The following SRFBP1 variants were observed in gnomAD, a reference collection of about 807,000 sequenced individuals.
SRFBP1 encodes the protein serum response factor binding protein 1.
SRFBP1 carries 47 observed loss-of-function variants against 45.5 expected under a neutral mutation model. The observed-to-expected ratio is 1.03, with a 90% CI of 0.82 to 1.32. SRFBP1 has a LOEUF of 1.32. Ranked by LOEUF, SRFBP1 falls within the 40% of genes most tolerant of loss-of-function variation. SRFBP1 has a pLI of 0.00. For missense variants in SRFBP1, 621 were observed against 484.6 expected (o/e 1.28, Z -2.64); for synonymous variants, 203 against 166.3 (o/e 1.22, Z -1.70).
At chr5:122,001,454 A>C (rs1752866388) in intron 4 of SRFBP1, among the ~76,000 whole-genome samples, 2 of 143,960 alleles carry the variant, frequency 1.4e-5, no homozygotes, top group African/African-American at 5.2e-5. Flanking sequence ...TACAAATTTT[A>C]CTCCACACTA....
At chr5:122,007,327 G>T (rs948367119) in intron 4 of SRFBP1, among the ~76,000 whole-genome samples, 1 of 151,992 alleles carries the variant, frequency 6.6e-6, no homozygotes, top group African/African-American at 2.4e-5. Context: ...CTGGACCCTG[G>T]GTCTGCTGGA....
chr5:122,077,683 C>T (rs760047874), downstream of SRFBP1: 2 of 1,600,012 alleles, frequency 1.2e-6, no homozygotes, highest in African/African-American at 2.7e-5. This position sits in a 1 kb window ranked among gnomAD's most constrained non-coding sequence, Gnocchi z 4.9. Flanking sequence ...GCGTTCGCGC[C>T]GCGGCGGTGC....
At chr5:121,962,155 G>A (rs2112806110) in intron 1 of SRFBP1, 87 bp downstream of exon 1, 2 of 1,549,256 alleles carry the variant, frequency 1.3e-6, no homozygotes, top group South Asian at 1.1e-5. Context: ...GGGCATAGAG[G>A]GTGCGGTTGG....
chr5:121,978,771 C>T (rs1275958809), intron 3 of SRFBP1, among the ~76,000 whole-genome samples: 10 of 152,134 alleles, frequency 6.6e-5, no homozygotes, highest in Admixed American at 2.6e-4. Context: ...GGATTACAGG[C>T]GTGAGCAACC....
At chr5:122,062,368 T>G (rs907468160) in intron 2 of SRFBP1, among the ~76,000 whole-genome samples, 6 of 151,900 alleles carry the variant, frequency 3.9e-5, no homozygotes, top group African/African-American at 1.4e-4. Context: ...CCTCTACTAA[T>G]ATCTGTGGTA....
At chr5:121,965,982 C>T (rs1752055646) in intron 1 of SRFBP1, among the ~76,000 whole-genome samples, 1 of 150,856 alleles carries the variant, frequency 6.6e-6, no homozygotes, top group African/African-American at 2.4e-5. Flanking sequence ...ATTTGGCTCT[C>T]TGTTTGTCTA....
rs373143228 is a variant in SRFBP1, at chr5:121,968,803, T to A, written c.37-5393T>A. 7.9e-5 allele frequency among the ~76,000 whole-genome samples: 12 copies of A among 152,366 alleles called. No homozygotes were observed. The East Asian group carries it at 1.2e-3, about 15-fold the overall frequency. On this transcript the variant is annotated intron_variant, in intron 1 of 7. Coordinates refer to ENST00000339397, the MANE Select transcript of SRFBP1 (RefSeq NM_152546.3). ...ACTTCATACAAAGAATTTGTTGTCGTAGTTTTTTTGTATTTACTAATCTGA... is the reference window on the plus strand; with the variant it reads ...ACTTCATACAAAGAATTTGTTGTCGAAGTTTTTTTGTATTTACTAATCTGA...
chr5:122,005,598 A>G (rs932171722), intron 4 of SRFBP1, among the ~76,000 whole-genome samples: 2 of 152,074 alleles, frequency 1.3e-5, no homozygotes, highest in African/African-American at 4.8e-5. Flanking sequence ...TGTTTTTTAA[A>G]TTCATTCAGC....
At chr5:121,995,445 A>C (rs567608581) in intron 4 of SRFBP1, among the ~76,000 whole-genome samples, 38 of 152,290 alleles carry the variant, frequency 2.5e-4, no homozygotes, top group Admixed American at 2.2e-3. Context: ...AGGCAGAAAT[A>C]AAGATGTTCT....
chr5:122,052,404 C>CT (rs959882959), intron 2 of SRFBP1, among the ~76,000 whole-genome samples: 1 of 152,068 alleles, frequency 6.6e-6, no homozygotes, highest in African/African-American at 2.4e-5. Flanking sequence ...GATTATGTGT[C>CT]TTTACAAAAT....
At chr5:121,984,562 G>T (rs1233214740) in intron 3 of SRFBP1, among the ~76,000 whole-genome samples, 1 of 151,656 alleles carries the variant, frequency 6.6e-6, no homozygotes, top group Non-Finnish European at 1.5e-5. Flanking sequence ...ATTTTTAAGA[G>T]GTTATAGCAG....
intron 1 of SRFBP1, among the ~76,000 whole-genome samples, chr5:121,965,206 T>A (rs1752037961): frequency 6.6e-6 from 1 of 152,242 alleles, no homozygotes; most frequent in Non-Finnish European, 1.5e-5. Flanking sequence ...AGATCCCATT[T>A]GTCATTTTTG....
chr5:122,066,207 T>C (rs1327501774), intron 2 of SRFBP1: 1 of 152,240 alleles, frequency 6.6e-6, no homozygotes, highest in African/African-American at 2.4e-5. Flanking sequence ...CTCTGCTATA[T>C]AGTAATATTT....
rs373120148 is a variant in SRFBP1 at position 122,020,603 on chromosome 5, G to A, written c.868G>A (p.Val290Ile). 69 of 1,613,758 alleles carry A rather than the reference G, an allele frequency of 4.3e-5. No individual in the cohort carries two copies. The highest frequency in any genetic ancestry group is 5.6e-5 in the Non-Finnish European group (66 of 1,179,934). Reference sequence around the variant, plus strand: ...CGGTGACGACTTCTTCATTGGGAAAGTCAGACGGACACGAAAGAAGGAAAG... The same window carrying A: ...CGGTGACGACTTCTTCATTGGGAAAATCAGACGGACACGAAAGAAGGAAAG... ...DSGDDFFIGKVRRTRKKESSC... is the reference protein window; with the variant it reads ...DSGDDFFIGKIRRTRKKESSC... The change falls in exon 6 of 8, where the codon GTC becomes ATC. Residue 290 changes from valine to isoleucine, a missense_variant. Physicochemically the swap from Val to Ile is conservative, Grantham distance 29. Transcript: ENST00000339397.
intron 4 of SRFBP1, among the ~76,000 whole-genome samples, chr5:121,999,604 A>G (rs1207977191): frequency 1.3e-5 from 2 of 151,936 alleles, no homozygotes; most frequent in African/African-American, 2.4e-5. Context: ...TTTTTGCCAT[A>G]TGCATTTTGA....
intron 1 of SRFBP1, among the ~76,000 whole-genome samples, chr5:121,963,458 C>G (rs1174455289): frequency 1.3e-5 from 2 of 152,080 alleles, no homozygotes; most frequent in Admixed American, 6.5e-5. Flanking sequence ...CCCCAGGGAG[C>G]TTCATATCAA....
rs1753503094 is a variant in SRFBP1 at position 122,027,282 on chromosome 5, T to A, written c.*156T>A. The A allele has an allele frequency of 1.8e-6, 1 of 570,668 alleles. No individual in the cohort carries two copies. The highest frequency in any genetic ancestry group is 3.5e-5 in the Admixed American group (1 of 28,392). 35.4% of individuals were successfully genotyped at this position (570,668 alleles called of 1,614,324 possible). On this transcript the variant is annotated 3_prime_UTR_variant, in exon 8 of 8. Coordinates refer to ENST00000339397, the MANE Select transcript of SRFBP1 (RefSeq NM_152546.3). ...CTCAAGTGATCCTCCCACCTCTGCC[T>A]CCCAAAGGGCTGGGACTGCAGGTGC...
intron 2 of SRFBP1, among the ~76,000 whole-genome samples, chr5:122,038,075 C>CT (rs1417238457): frequency 6.6e-6 from 1 of 152,052 alleles, no homozygotes; most frequent in Non-Finnish European, 1.5e-5. Context: ...GGATGCCTAC[C>CT]TTTTTAAGAT....
At chr5:122,021,448 T>C (rs1257337148) in intron 6 of SRFBP1, among the ~76,000 whole-genome samples, 1 of 152,172 alleles carries the variant, frequency 6.6e-6, no homozygotes, top group Non-Finnish European at 1.5e-5. Context: ...TAAACTGTTT[T>C]TGCATATATT....
Sources: allele counts gnomAD v4.1 joint callset (sites outside exome capture counted in the v4.1 genomes callset), GRCh38; gene constraint gnomAD v4.1.1; non-coding constraint Gnocchi (gnomAD v3.1); transcripts MANE v1.5; gene names NCBI Gene and HGNC (gene_info 2026-07-23, HGNC 2026-07-21).